MGAT4C: variants seen among roughly 807,000 people sequenced by gnomAD.
The protein encoded by MGAT4C is alpha-1,3-mannosyl-glycoprotein 4-beta-N-acetylglucosaminyltransferase C.
A neutral mutation model predicts 40.1 loss-of-function variants in MGAT4C; 19 were observed. The observed-to-expected ratio is 0.47, with a 90% CI of 0.33 to 0.70. The LOEUF (loss-of-function observed/expected upper bound fraction) is 0.70. MGAT4C is among the 30% of genes least tolerant of loss of function. The pLI is 0.02. For missense variants in MGAT4C, 491 were observed against 563.2 expected (o/e 0.87, Z 1.30); for synonymous variants, 181 against 187.1 (o/e 0.97, Z 0.27).
chr12:86,368,994 G>A (rs1312287002), intron 3 of MGAT4C, among the ~76,000 whole-genome samples: 3 of 151,776 alleles, frequency 2.0e-5, no homozygotes. Context: ...GTATTGTATT[G>A]TCTATTTATT....
At chr12:86,063,332 T>C (rs1239483691) in intron 1 of MGAT4C, among the ~76,000 whole-genome samples, 1 of 152,112 alleles carries the variant, frequency 6.6e-6, no homozygotes, top group Non-Finnish European at 1.5e-5. Flanking sequence ...GCTGAGAGAT[T>C]TTGTCACCAC....
chr12:86,150,613 T>G (rs1487409879), intron 1 of MGAT4C, among the ~76,000 whole-genome samples: 1 of 152,106 alleles, frequency 6.6e-6, no homozygotes, highest in African/African-American at 2.4e-5. Context: ...AACCTGGAAA[T>G]AGTGGATGGT....
At chr12:86,758,538 T>G (rs1467539217) in intron 1 of MGAT4C, among the ~76,000 whole-genome samples, 1 of 152,010 alleles carries the variant, frequency 6.6e-6, no homozygotes, top group Non-Finnish European at 1.5e-5. Flanking sequence ...CCTTTATAGA[T>G]AAGAAAACTA....
chr12:86,745,339 T>C (rs1305441001), intron 1 of MGAT4C, among the ~76,000 whole-genome samples: 1 of 151,634 alleles, frequency 6.6e-6, no homozygotes, highest in Non-Finnish European at 1.5e-5. Context: ...AATGAACAAA[T>C]TTCTGTGTAA....
chr12:86,824,453 T>C (rs1325227598), intron 1 of MGAT4C, among the ~76,000 whole-genome samples: 1 of 151,304 alleles, frequency 6.6e-6, no homozygotes, highest in East Asian at 1.9e-4. Flanking sequence ...ACTGCAAAAG[T>C]TATGGCTACA....
chr12:86,509,945 C>T (rs1958543152), intron 2 of MGAT4C, among the ~76,000 whole-genome samples: 1 of 152,232 alleles, frequency 6.6e-6, no homozygotes, highest in African/African-American at 2.4e-5. Flanking sequence ...TGCTTATCAG[C>T]TTAAGGAGAT....
At chr12:86,513,422 A>C (rs907464312) in intron 2 of MGAT4C, among the ~76,000 whole-genome samples, 3 of 152,120 alleles carry the variant, frequency 2.0e-5, no homozygotes, top group African/African-American at 7.2e-5. Flanking sequence ...TCCATTTCAG[A>C]CTTTTCATGA....
intron 1 of MGAT4C, among the ~76,000 whole-genome samples, chr12:86,732,993 C>A (rs1950934760): frequency 1.3e-5 from 2 of 152,056 alleles, no homozygotes; most frequent in Non-Finnish European, 2.9e-5. Context: ...GAGATGTGAA[C>A]TCTTTTTCAT....
chr12:86,754,579 T>C (rs1009189601), intron 1 of MGAT4C, among the ~76,000 whole-genome samples: 1 of 152,126 alleles, frequency 6.6e-6, no homozygotes, highest in East Asian at 1.9e-4. Flanking sequence ...GCCACATGGA[T>C]TGCAGCCTGA....
chr12:86,120,767 G>C (rs1317207261), intron 1 of MGAT4C, among the ~76,000 whole-genome samples: 1 of 152,174 alleles, frequency 6.6e-6, no homozygotes, highest in East Asian at 1.9e-4. Context: ...ACCAAAGGTA[G>C]ATAAAACCAC....
intron 2 of MGAT4C, among the ~76,000 whole-genome samples, chr12:86,562,270 T>C (rs1459268389): frequency 3.9e-5 from 6 of 152,132 alleles, no homozygotes; most frequent in Non-Finnish European, 8.8e-5. Context: ...CACAAGCTCT[T>C]ATGTGAGTGG....
chr12:86,804,820 A>G (rs557868814), intron 1 of MGAT4C, among the ~76,000 whole-genome samples: 2 of 152,148 alleles, frequency 1.3e-5, no homozygotes, highest in Admixed American at 1.3e-4. Flanking sequence ...AAAAATTTTG[A>G]GAATAAATTC....
At chr12:86,797,412 A>G (rs540241638) in intron 1 of MGAT4C, among the ~76,000 whole-genome samples, 1 of 151,762 alleles carries the variant, frequency 6.6e-6, no homozygotes, top group Non-Finnish European at 1.5e-5. Flanking sequence ...TCATTTCAAT[A>G]CCACTGGCTT....
At chr12:86,461,155 T>C (rs1415119433) in intron 2 of MGAT4C, among the ~76,000 whole-genome samples, 1 of 152,024 alleles carries the variant, frequency 6.6e-6, no homozygotes, top group Non-Finnish European at 1.5e-5. Context: ...ACCTACTTTA[T>C]ATATTTTTAA....
chr12:86,372,065 A>G (rs932033811), intron 3 of MGAT4C, among the ~76,000 whole-genome samples: 1 of 151,884 alleles, frequency 6.6e-6, no homozygotes, highest in Non-Finnish European at 1.5e-5. Context: ...ACTATATCAA[A>G]TAAAATTTTA....
chr12:86,641,359 G>A (rs966578268), intron 2 of MGAT4C, among the ~76,000 whole-genome samples: 2 of 151,414 alleles, frequency 1.3e-5, no homozygotes, highest in African/African-American at 4.9e-5. Context: ...TTACACTCTG[G>A]GGACTGTTGT....
At chr12:86,470,268 A>T (rs143952176) in intron 2 of MGAT4C, among the ~76,000 whole-genome samples, 3 of 152,190 alleles carry the variant, frequency 2.0e-5, no homozygotes, top group Non-Finnish European at 2.9e-5. Flanking sequence ...TCCAGGAAAG[A>T]TACTTATGTA....
At position 86,766,843 on chromosome 12, in the gene MGAT4C, A is replaced by G. The variant is rs11503299; in HGVS notation, c.-261-39602T>C. On this transcript the variant is annotated intron_variant, in intron 1 of 7. Transcript: ENST00000548651. ...AACGAGAACAAAGACACAACATACC[A>G]GAATCCCTGGGACACATTCAAAGCA... 5.9e-3 allele frequency among the ~76,000 whole-genome samples: 904 copies of G among 152,280 alleles called. 14 individuals are homozygous for G. The highest frequency in any genetic ancestry group is 0.021 in the African/African-American group (866 of 41,554).
chr12:86,500,050 C>T (rs574807082), intron 2 of MGAT4C, among the ~76,000 whole-genome samples: 1 of 151,588 alleles, frequency 6.6e-6, no homozygotes, highest in Non-Finnish European at 1.5e-5. Flanking sequence ...GCAGCCAAAG[C>T]TTAGAGGCAA....
Sources: gnomAD v4.1 joint callset for allele counts (sites outside exome capture counted in the v4.1 genomes callset) on GRCh38, gnomAD v4.1.1 for gene constraint, MANE v1.5 for transcripts, NCBI Gene and HGNC (gene_info 2026-07-23, HGNC 2026-07-21) for gene names.